The following CD247 variants were observed in gnomAD, a reference collection of about 807,000 sequenced individuals.
CD247 encodes CD247 molecule.
A neutral mutation model predicts 30.0 loss-of-function variants in CD247; 13 were observed. The observed-to-expected ratio is 0.43, with a 90% CI of 0.28 to 0.69. The LOEUF is 0.69. CD247 is among the 30% of genes least tolerant of loss of function. CD247 has a pLI of 0.16. For synonymous variants in CD247, 72 were observed against 80.0 expected (o/e 0.90, Z 0.53); for missense variants, 193 against 212.6 (o/e 0.91, Z 0.57).
chr1:167,462,148 C>A (rs1198545036), intron 1 of CD247, among the ~76,000 whole-genome samples: 1 of 152,168 alleles, frequency 6.6e-6, no homozygotes, highest in Non-Finnish European at 1.5e-5. Context: ...GAGCCCAGGC[C>A]CTCTCCCCAC....
chr1:167,435,491 A>C, intron 4 of CD247, 57 bp from the exon 5 acceptor site: 1 of 1,410,250 alleles, frequency 7.1e-7, no homozygotes, highest in Non-Finnish European at 1.0e-6. Flanking sequence ...CAAGCCATGA[A>C]AGTACAGCAA....
chr1:167,510,321 A>G (rs1571603115), intron 1 of CD247, among the ~76,000 whole-genome samples: 1 of 152,216 alleles, frequency 6.6e-6, no homozygotes, highest in South Asian at 2.1e-4. Context: ...ACACACCTAC[A>G]AACACACAGC....
chr1:167,503,292 T>C (rs1571594344), intron 1 of CD247, among the ~76,000 whole-genome samples: 1 of 152,240 alleles, frequency 6.6e-6, no homozygotes, highest in African/African-American at 2.4e-5. Flanking sequence ...CATTAAATCC[T>C]ACCCATTCAT....
chr1:167,431,624 G>A lies in CD247; in HGVS notation c.*57C>T. On this transcript the variant is annotated 3_prime_UTR_variant, in exon 8 of 8. Transcript: ENST00000362089. ...CCGGGTTGTAAATGCTTCATCCTGTGTCTCATAATCTGGGCGTCTGCAGGT... is the reference window on the plus strand; with the variant it reads ...CCGGGTTGTAAATGCTTCATCCTGTATCTCATAATCTGGGCGTCTGCAGGT... 1 of 1,365,500 alleles carries A rather than the reference G, an allele frequency of 7.3e-7. No individual in the cohort carries two copies. Among genetic ancestry groups the A allele is most frequent in the Admixed American group, 1.7e-5 (1 of 59,728 alleles). 84.6% of individuals were successfully genotyped at this position (1,365,500 alleles called of 1,614,324 possible).
At chr1:167,513,705 G>A (rs183342692) in intron 1 of CD247, among the ~76,000 whole-genome samples, 3 of 152,086 alleles carry the variant, frequency 2.0e-5, no homozygotes, top group Admixed American at 6.5e-5. Context: ...CTTATTTTCC[G>A]CTTTCCTCCG....
intron 7 of CD247, 150 bp from the exon 8 acceptor site, chr1:167,431,896 C>T (rs537960078): frequency 0.022 from 16,440 of 743,036 alleles, 250 homozygotes; most frequent in Middle Eastern, 0.031. Context: ...CCTGGCCCCA[C>T]GGGCAGGAGC....
At chr1:167,515,721 G>A (rs1467625485) in intron 1 of CD247, among the ~76,000 whole-genome samples, 2 of 152,226 alleles carry the variant, frequency 1.3e-5, no homozygotes, top group Non-Finnish European at 2.9e-5. Context: ...CCAGAAATCA[G>A]AAGAGGGATG....
chr1:167,501,131 C>G (rs1654888774), intron 1 of CD247, among the ~76,000 whole-genome samples: 1 of 151,134 alleles, frequency 6.6e-6, no homozygotes, highest in African/African-American at 2.4e-5. Flanking sequence ...CTCGGCTCAC[C>G]ACAACCTCCG....
At chr1:167,436,877 G>A (rs1293932695) in intron 4 of CD247, among the ~76,000 whole-genome samples, 1 of 152,138 alleles carries the variant, frequency 6.6e-6, no homozygotes, top group Non-Finnish European at 1.5e-5. Flanking sequence ...CACTCTTGGT[G>A]GGAATGTAAA....
At chr1:167,438,717 T>C (rs1162106449) in intron 3 of CD247, 67 bp from the exon 4 acceptor site, 5 of 1,260,874 alleles carry the variant, frequency 4.0e-6, no homozygotes, top group Non-Finnish European at 5.8e-6. Context: ...CCAGCTGGAC[T>C]GGGGAGTGTG....
intron 1 of CD247, among the ~76,000 whole-genome samples, chr1:167,481,554 C>T (rs1037837702): frequency 6.6e-6 from 1 of 152,162 alleles, no homozygotes; most frequent in African/African-American, 2.4e-5. Context: ...GAAAGAGAAA[C>T]TCAGAATGAC....
At chr1:167,514,353 GGT>G (rs971312329) in intron 1 of CD247, among the ~76,000 whole-genome samples, 29 of 152,064 alleles carry the variant, frequency 1.9e-4, no homozygotes, top group African/African-American at 6.5e-4. Context: ...TGGCCAGGCT[GGT>G]CTCAAATTCC....
At chr1:167,474,752 CTTTTTTTTTTT>C (rs1175876563) in intron 1 of CD247, among the ~76,000 whole-genome samples, 1 of 123,312 alleles carries the variant, frequency 8.1e-6, no homozygotes, top group African/African-American at 3.0e-5. Context: ...TTAAAACTGT[CTTTTTTTTTTT>C]TTTTTTTTTT....
intron 1 of CD247, among the ~76,000 whole-genome samples, chr1:167,460,995 C>T (rs1236124563): frequency 6.6e-6 from 1 of 152,256 alleles, no homozygotes; most frequent in Non-Finnish European, 1.5e-5. Context: ...TTGGTGTGCC[C>T]AGCCCACGCG....
At chr1:167,446,708 T>C (rs1652097782) in intron 1 of CD247, among the ~76,000 whole-genome samples, 1 of 152,002 alleles carries the variant, frequency 6.6e-6, no homozygotes, top group African/African-American at 2.4e-5. Flanking sequence ...AAACAGATAA[T>C]GGGGGCCAGG....
intron 1 of CD247, among the ~76,000 whole-genome samples, chr1:167,517,357 G>C (rs977331340): frequency 5.9e-5 from 9 of 152,224 alleles, no homozygotes; most frequent in African/African-American, 2.2e-4. Context: ...GAGCGATCAG[G>C]TGGGCCGAGG....
At chr1:167,513,499 C>T (rs1337000369) in intron 1 of CD247, among the ~76,000 whole-genome samples, 1 of 152,086 alleles carries the variant, frequency 6.6e-6, no homozygotes, top group African/African-American at 2.4e-5. Flanking sequence ...TGTTGGCTAC[C>T]TGAAATATTT....
intron 1 of CD247, among the ~76,000 whole-genome samples, chr1:167,479,190 G>A (rs1010691845): frequency 6.6e-6 from 1 of 152,194 alleles, no homozygotes; most frequent in Non-Finnish European, 1.5e-5. Flanking sequence ...AAAGTAGCAC[G>A]TGAAAATGCA....
At chr1:167,453,037 A>ATACATATATATTATAGATATATAT (rs1410326160) in intron 1 of CD247, among the ~76,000 whole-genome samples, 2 of 98,916 alleles carry the variant, frequency 2.0e-5, no homozygotes, top group Non-Finnish European at 4.0e-5. Context: ...GATATATATT[A>ATACATATATATTATAGATATATAT]TATATATATA....
Sources: allele counts gnomAD v4.1 joint callset (sites outside exome capture counted in the v4.1 genomes callset), GRCh38; gene constraint gnomAD v4.1.1; transcripts MANE v1.5; gene names NCBI Gene and HGNC (gene_info 2026-07-23, HGNC 2026-07-21).